FRMD4B: variants seen among roughly 807,000 people sequenced by gnomAD.
The protein encoded by FRMD4B is FERM domain containing 4B.
A neutral mutation model predicts 141.5 loss-of-function variants in FRMD4B; 74 were observed. The ratio of observed to expected loss-of-function variants is 0.52; its 90% confidence interval spans 0.43 to 0.63. FRMD4B has a LOEUF of 0.63. Among genes scored for constraint, FRMD4B ranks in the 30% least tolerant of loss-of-function variants. The probability of loss-of-function intolerance (pLI) is 0.00; values close to 1 mark genes in which losing one functional copy is unlikely to be tolerated. For missense variants in FRMD4B, 1,366 were observed against 1,253.4 expected, an observed-to-expected ratio of 1.09 and a Z score of -1.36; for synonymous variants, 506 against 467.9, an observed-to-expected ratio of 1.08 and a Z score of -1.05.
intron 1 of FRMD4B, among the ~76,000 whole-genome samples, chr3:69,447,525 C>A (rs1056246009): frequency 6.6e-6 from 1 of 152,134 alleles, no homozygotes; most frequent in Non-Finnish European, 1.5e-5. Flanking sequence ...TCTTTACCCA[C>A]CACCACAATC....
chr3:69,505,817 A>T (rs1173894459), intron 1 of FRMD4B, among the ~76,000 whole-genome samples: 1 of 152,122 alleles, frequency 6.6e-6, no homozygotes, highest in Non-Finnish European at 1.5e-5. Flanking sequence ...TCCTGGGTGA[A>T]ATCTACTCAC....
chr3:69,500,045 C>T (rs1706466093), intron 1 of FRMD4B, among the ~76,000 whole-genome samples: 1 of 152,190 alleles, frequency 6.6e-6, no homozygotes, highest in East Asian at 1.9e-4. Flanking sequence ...ATCTGAACAT[C>T]CCCAGAGGCC....
chr3:69,502,312 T>C lies in FRMD4B; in HGVS notation c.-129+39894A>G, dbSNP rs549063789. On this transcript the variant is annotated intron_variant, in intron 1 of 5. Transcript: ENST00000459638. ...CAAGGCTACAGTAACCAAAACAGCA[T>C]AATAGTGGTACCAAAACAGAGATAT... Among the ~76,000 whole-genome samples the C allele has an allele frequency of 9.8e-4, 149 of 152,260 alleles. 1 individual carries two copies. Among genetic ancestry groups the C allele is most frequent in the Non-Finnish European group, 1.8e-3 (123 of 68,028 alleles).
At chr3:69,224,120 G>A (rs1443105898) in intron 8 of FRMD4B, among the ~76,000 whole-genome samples, 1 of 152,038 alleles carries the variant, frequency 6.6e-6, no homozygotes, top group Non-Finnish European at 1.5e-5. Context: ...AAAAAAATAT[G>A]GGATGAAAAT....
Position 69,532,615 on chromosome 3 carries a change from C to T in FRMD4B, c.-129+9591G>A, listed in dbSNP as rs571802854. Among the ~76,000 whole-genome samples, 39 of 152,280 alleles carry T rather than the reference C, an allele frequency of 2.6e-4. 1 individual carries two copies. The South Asian group carries it at 8.1e-3, about 32-fold the overall frequency. ...GTTGATCCAGTGCCAATTTCAGCTCCCCTCTCTCCCCAGCCCCTCCTTTAT... is the reference window on the plus strand; with the variant it reads ...GTTGATCCAGTGCCAATTTCAGCTCTCCTCTCTCCCCAGCCCCTCCTTTAT... On this transcript the variant is annotated intron_variant, in intron 1 of 5. Transcript: ENST00000459638.
intron 1 of FRMD4B, among the ~76,000 whole-genome samples, chr3:69,316,845 G>A (rs1701817141): frequency 6.6e-6 from 1 of 152,170 alleles, no homozygotes; most frequent in African/African-American, 2.4e-5. Flanking sequence ...AATCAGGCTG[G>A]GTGTGTTGGC....
intron 1 of FRMD4B, among the ~76,000 whole-genome samples, chr3:69,360,088 T>A (rs1157205760): frequency 6.6e-6 from 1 of 152,152 alleles, no homozygotes; most frequent in Non-Finnish European, 1.5e-5. Context: ...GAACCTGGAG[T>A]TTTGTTTTCC....
chr3:69,209,778 A>G (rs1218026632), intron 11 of FRMD4B, among the ~76,000 whole-genome samples: 1 of 152,144 alleles, frequency 6.6e-6, no homozygotes, highest in Non-Finnish European at 1.5e-5. Context: ...TTTCTTCCAT[A>G]CCATGCTTTA....
intron 4 of FRMD4B, among the ~76,000 whole-genome samples, chr3:69,299,485 C>T (rs1701140595): frequency 6.6e-6 from 1 of 152,092 alleles, no homozygotes; most frequent in Non-Finnish European, 1.5e-5. Context: ...TGCACCCCTC[C>T]CTCCATGGCA....
intron 1 of FRMD4B, among the ~76,000 whole-genome samples, chr3:69,363,514 C>T (rs917759866): frequency 2.0e-5 from 3 of 151,882 alleles, no homozygotes; most frequent in Non-Finnish European, 2.9e-5. Context: ...CTCAGCCTCC[C>T]GAGTAGCTGG....
At chr3:69,346,724 C>A (rs917423574) in intron 1 of FRMD4B, among the ~76,000 whole-genome samples, 14 of 152,218 alleles carry the variant, frequency 9.2e-5, no homozygotes, top group African/African-American at 3.1e-4. Context: ...TCATATCCAG[C>A]CAAACTAAGC....
At chr3:69,399,327 T>C (rs1315933447) in intron 2 of FRMD4B, among the ~76,000 whole-genome samples, 3 of 152,194 alleles carry the variant, frequency 2.0e-5, no homozygotes, top group African/African-American at 7.2e-5. Context: ...TGTCCCCAGG[T>C]GAAACCCAGC....
At chr3:69,511,220 T>G (rs930329100) in intron 1 of FRMD4B, among the ~76,000 whole-genome samples, 7 of 145,746 alleles carry the variant, frequency 4.8e-5, no homozygotes, top group Non-Finnish European at 1.1e-4. Flanking sequence ...CTATTTATTT[T>G]GCATTTCATT....
At position 69,438,148 on chromosome 3, in the gene FRMD4B, G is replaced by T. The variant is rs890180663; in HGVS notation, c.-128-5387C>A. ...AGATAGGGTCTCGCCCTGTCACCCA[G>T]GCTGGAGTGTAGTGGTGCGATTGTG... On this transcript the variant is annotated intron_variant, in intron 1 of 5. Coordinates refer to the FRMD4B transcript ENST00000459638. 2.0e-5 allele frequency among the ~76,000 whole-genome samples: 3 copies of T among 150,430 alleles called. No individual in the cohort carries two copies. The Admixed American group carries it at 2.0e-4, about 10-fold the overall frequency.
intron 2 of FRMD4B, among the ~76,000 whole-genome samples, chr3:69,427,259 T>C (rs1705097047): frequency 6.7e-6 from 1 of 148,254 alleles, no homozygotes; most frequent in Non-Finnish European, 1.5e-5. Flanking sequence ...ACATACTATA[T>C]AAATATAATA....
At chr3:69,370,114 T>G (rs1159085517) in intron 1 of FRMD4B, among the ~76,000 whole-genome samples, 1 of 149,934 alleles carries the variant, frequency 6.7e-6, no homozygotes, top group Non-Finnish European at 1.5e-5. Context: ...TTGTTCCTGT[T>G]TTTTTTTTTT....
At chr3:69,374,283 G>A (rs1002272138) in intron 1 of FRMD4B, among the ~76,000 whole-genome samples, 5 of 152,198 alleles carry the variant, frequency 3.3e-5, no homozygotes, top group Non-Finnish European at 7.3e-5. Flanking sequence ...CTTGGCTCAA[G>A]GTCGTATAGC....
intron 3 of FRMD4B, 150 bp downstream of exon 3, chr3:69,311,113 A>G (rs1411195529): frequency 2.0e-6 from 1 of 497,054 alleles, no homozygotes; most frequent in Non-Finnish European, 3.7e-6. Flanking sequence ...CCATAATCCT[A>G]GGAGAAAAAT....
rs376166259 is a variant in FRMD4B at position 69,181,232 on chromosome 3, G to T, written c.2518C>A (p.Arg840=). ...TCATATCCATAGTGGGCTGAGGACC[G>T]GTAGGAAGGGTTGACACTATACTGT... is the stretch of plus-strand genomic sequence containing the variant. The part of the protein sequence containing the change: ...EGQYSVNPSY[R]SSAHYGYERQ... Residue 840 remains arginine, a synonymous_variant, in exon 21 of 23, where the codon CGG becomes AGG. Transcript: ENST00000398540. 2.5e-6 allele frequency: 4 copies of T among 1,613,808 alleles called. No homozygotes were observed. In the East Asian group the frequency reaches 6.7e-5, roughly 27 times the overall value.
Sources: allele counts gnomAD v4.1 joint callset (sites outside exome capture counted in the v4.1 genomes callset), GRCh38; gene constraint gnomAD v4.1.1; transcripts MANE v1.5; gene names NCBI Gene and HGNC (gene_info 2026-07-23, HGNC 2026-07-21).